Variants in NRXN1 observed in about 807,000 individuals in gnomAD.
NRXN1 encodes neurexin 1.
Under a neutral mutation model 150.9 loss-of-function variants are expected in NRXN1, and 39 were observed. That is an observed-to-expected ratio of 0.26 (90% CI 0.20 to 0.34). The LOEUF (loss-of-function observed/expected upper bound fraction) is 0.34. NRXN1 is among the 10% of genes least tolerant of loss of function. NRXN1 has a pLI of 1.00. For missense variants in NRXN1, 1,815 were observed against 1,949.9 expected, an observed-to-expected ratio of 0.93 and a Z score of 1.30; for synonymous variants, 924 against 757.0, an observed-to-expected ratio of 1.22 and a Z score of -3.62.
At chr2:50,660,352 G>T (rs1469414938) in intron 5 of NRXN1, among the ~76,000 whole-genome samples, 1 of 151,914 alleles carries the variant, frequency 6.6e-6, no homozygotes, top group Non-Finnish European at 1.5e-5. Flanking sequence ...AACACCCTAA[G>T]TTGCCTGCCT....
At chr2:50,206,033 T>C (rs572912026) in intron 18 of NRXN1, among the ~76,000 whole-genome samples, 57 of 152,216 alleles carry the variant, frequency 3.7e-4, no homozygotes, top group Non-Finnish European at 7.6e-4. Context: ...CTAAAAATCA[T>C]TAAATTGTAC....
intron 2 of NRXN1, among the ~76,000 whole-genome samples, chr2:51,013,632 G>A (rs915680553): frequency 4.0e-5 from 6 of 151,898 alleles, no homozygotes; most frequent in African/African-American, 7.3e-5. Context: ...CCAGGCTGCT[G>A]ACCAGAAAAA....
intron 19 of NRXN1, among the ~76,000 whole-genome samples, chr2:50,079,675 C>A (rs1021099323): frequency 6.6e-5 from 10 of 151,656 alleles, no homozygotes; most frequent in African/African-American, 2.4e-4. Context: ...TTGAAGAAAA[C>A]AAAATGGATT....
intron 5 of NRXN1, among the ~76,000 whole-genome samples, chr2:50,743,887 T>C (rs1321812616): frequency 6.6e-6 from 1 of 152,168 alleles, no homozygotes; most frequent in Non-Finnish European, 1.5e-5. Context: ...TGAAAATTAA[T>C]GGAAACAGAA....
intron 2 of NRXN1, among the ~76,000 whole-genome samples, chr2:51,003,072 CACTTA>C (rs558678065): frequency 0.011 from 1,599 of 151,950 alleles, 13 homozygotes; most frequent in Non-Finnish European, 0.016. Context: ...TAGGAGGAAA[CACTTA>C]ACTTATTACT....
intron 5 of NRXN1, among the ~76,000 whole-genome samples, chr2:50,683,646 A>AAAAAAAAAAGATATATAT: frequency 6.7e-5 from 1 of 14,910 alleles, no homozygotes; most frequent in Non-Finnish European, 1.1e-4. Context: ...AAAAAAAAAA[A>AAAAAAAAAAGATATATAT]ATATATATAT....
chr2:50,351,131 G>A (rs577250686), intron 17 of NRXN1, among the ~76,000 whole-genome samples: 12 of 152,282 alleles, frequency 7.9e-5, no homozygotes, highest in African/African-American at 2.6e-4. Context: ...CTTTGGGCTT[G>A]CAATTTTGTT....
intron 5 of NRXN1, among the ~76,000 whole-genome samples, chr2:50,637,217 T>C (rs1344230191): frequency 3.3e-5 from 5 of 152,194 alleles, no homozygotes; most frequent in East Asian, 1.9e-4. Context: ...ACTGTTCTTA[T>C]TAATTATATA....
rs201257971 is a variant in NRXN1, at chr2:50,240,424, A to AT, written c.3365-3455dup. 4.4e-3 allele frequency among the ~76,000 whole-genome samples: 668 copies of AT among 151,688 alleles called. 4 individuals are homozygous for AT. Among genetic ancestry groups the AT allele is most frequent in the African/African-American group, 0.015 (629 of 41,466 alleles). On this transcript the variant is annotated intron_variant, in intron 17 of 22. Coordinates refer to ENST00000401669, the MANE Select transcript of NRXN1 (RefSeq NM_001330078.2). ...CTACATACTTCTATAAGCACTCTGG[A>AT]TTTTTTTTAAAAAATTAACTTTGCA... is the stretch of plus-strand genomic sequence containing the variant.
intron 21 of NRXN1, among the ~76,000 whole-genome samples, chr2:50,020,808 A>G (rs1250763096): frequency 6.6e-6 from 1 of 152,190 alleles, no homozygotes; most frequent in Non-Finnish European, 1.5e-5. Flanking sequence ...GTATGTATGT[A>G]TAATTACAGT....
At chr2:50,007,661 T>C (rs1684991154) in intron 21 of NRXN1, among the ~76,000 whole-genome samples, 1 of 152,174 alleles carries the variant, frequency 6.6e-6, no homozygotes, top group African/African-American at 2.4e-5. Context: ...TTCCAAGTCT[T>C]TGCTATTGTG....
chr2:50,774,045 C>T (rs1039994934), intron 5 of NRXN1, among the ~76,000 whole-genome samples: 8 of 152,104 alleles, frequency 5.3e-5, no homozygotes, highest in African/African-American at 1.9e-4. Context: ...CTATGACTAG[C>T]TGATCAGTAT....
At chr2:50,170,365 A>G (rs2059956576) in intron 18 of NRXN1, among the ~76,000 whole-genome samples, 2 of 152,022 alleles carry the variant, frequency 1.3e-5, no homozygotes, top group African/African-American at 4.8e-5. Flanking sequence ...GCACGATCTC[A>G]GCTCACTGCA....
intron 5 of NRXN1, among the ~76,000 whole-genome samples, chr2:50,683,069 C>T (rs1690647618): frequency 1.3e-5 from 2 of 152,120 alleles, no homozygotes; most frequent in Non-Finnish European, 2.9e-5. Context: ...CAACACTGAG[C>T]TGCTGTGGAC....
intron 21 of NRXN1, among the ~76,000 whole-genome samples, chr2:49,989,183 T>A (rs543230718): frequency 6.6e-6 from 1 of 152,258 alleles, no homozygotes; most frequent in South Asian, 2.1e-4. Flanking sequence ...AAAAAGCAAA[T>A]AAAGGACTTA....
intron 18 of NRXN1, among the ~76,000 whole-genome samples, chr2:50,125,465 AAAT>A (rs1369934504): frequency 6.6e-6 from 1 of 152,118 alleles, no homozygotes; most frequent in Non-Finnish European, 1.5e-5. Context: ...ACAGGATATG[AAAT>A]CCTGGGGATA....
chr2:50,509,503 C>A (rs900664098), intron 12 of NRXN1, among the ~76,000 whole-genome samples: 1 of 152,202 alleles, frequency 6.6e-6, no homozygotes, highest in African/African-American at 2.4e-5. Flanking sequence ...TTTGCTAACA[C>A]ACTCAACTTC....
intron 5 of NRXN1, among the ~76,000 whole-genome samples, chr2:50,687,342 T>C (rs1691384451): frequency 6.6e-6 from 1 of 152,218 alleles, no homozygotes; most frequent in South Asian, 2.1e-4. Context: ...TCTTCCTACA[T>C]AGATACTTCT....
chr2:50,760,492 C>T lies in NRXN1; in HGVS notation c.833-136877G>A, dbSNP rs985161896. On this transcript the variant is annotated intron_variant, in intron 5 of 22. Transcript: ENST00000401669. The stretch of plus-strand genomic sequence containing the variant: ...ATGAAGACTCCTGCAATGAGGGGAA[C>T]CATCTTCTCCACTGGAATTTGTACA... 2.0e-5 allele frequency among the ~76,000 whole-genome samples: 3 copies of T among 151,692 alleles called. No homozygotes were observed. The South Asian group carries it at 6.2e-4, about 31-fold the overall frequency.
Sources: allele counts gnomAD v4.1 joint callset (sites outside exome capture counted in the v4.1 genomes callset), GRCh38; gene constraint gnomAD v4.1.1; transcripts MANE v1.5; gene names NCBI Gene and HGNC (gene_info 2026-07-23, HGNC 2026-07-21).